NEK1: variants seen among roughly 807,000 people sequenced by gnomAD.
The protein encoded by NEK1 is NIMA related kinase 1, also known as serine/threonine-protein kinase Nek1.
In NEK1, 137 loss-of-function variants were observed where a neutral mutation model predicts 182.1. The observed-to-expected ratio is 0.75, with a 90% CI of 0.65 to 0.87. The LOEUF (loss-of-function observed/expected upper bound fraction) is 0.87. Among genes scored for constraint, NEK1 ranks in the 40% least tolerant of loss-of-function variants. The pLI is 0.00. For missense variants in NEK1, 1,391 were observed against 1,494.4 expected, an observed-to-expected ratio of 0.93 and a Z score of 1.14; for synonymous variants, 513 against 492.2, an observed-to-expected ratio of 1.04 and a Z score of -0.56.
At chr4:169,602,347 G>GA (rs1254390793) in intron 3 of NEK1, among the ~76,000 whole-genome samples, 167 bp downstream of exon 3, 1 of 150,712 alleles carries the variant, frequency 6.6e-6, no homozygotes, top group African/African-American at 2.4e-5. Flanking sequence ...ACATATCATA[G>GA]AAAAAATCTG....
chr4:169,568,267 G>A (rs1040876910), intron 12 of NEK1, among the ~76,000 whole-genome samples: 2 of 152,140 alleles, frequency 1.3e-5, no homozygotes, highest in East Asian at 3.9e-4. Flanking sequence ...TATTCCATGG[G>A]AAGACAGAGA....
intron 27 of NEK1, among the ~76,000 whole-genome samples, chr4:169,452,105 A>G (rs1455121414): frequency 6.6e-6 from 1 of 152,226 alleles, no homozygotes; most frequent in Non-Finnish European, 1.5e-5. Context: ...ATACTCTCCC[A>G]AGACTAAACC....
At chr4:169,429,611 G>GT (rs1469901060) in intron 29 of NEK1, among the ~76,000 whole-genome samples, 1 of 30,744 alleles carries the variant, frequency 3.3e-5, no homozygotes, top group Non-Finnish European at 7.3e-5. Context: ...CTCTTGCCCT[G>GT]CCTTTTACTC....
At chr4:169,529,815 T>C (rs935908130) in intron 19 of NEK1, among the ~76,000 whole-genome samples, 1 of 152,172 alleles carries the variant, frequency 6.6e-6, no homozygotes, top group African/African-American at 2.4e-5. Context: ...TTCAACATCA[T>C]TAACATTTAG....
chr4:169,590,658 T>C (rs1365146312), intron 6 of NEK1, 68 bp downstream of exon 6: 12 of 1,128,336 alleles, frequency 1.1e-5, no homozygotes, highest in African/African-American at 3.1e-5. Context: ...TCAAAAATTT[T>C]TGGCCCAAAA....
intron 27 of NEK1, among the ~76,000 whole-genome samples, chr4:169,443,097 A>C (rs1400617067): frequency 6.7e-6 from 1 of 148,256 alleles, no homozygotes; most frequent in African/African-American, 2.5e-5. Context: ...CTATCTATCT[A>C]TCTATCTCAT....
At chr4:169,575,160 G>A (rs1765498312) in intron 12 of NEK1, among the ~76,000 whole-genome samples, 1 of 152,124 alleles carries the variant, frequency 6.6e-6, no homozygotes, top group South Asian at 2.1e-4. Flanking sequence ...AGTAAAGAGA[G>A]ATAAAACGAT....
chr4:169,472,713 CACA>C (rs1746229658), intron 26 of NEK1, among the ~76,000 whole-genome samples: 2 of 152,178 alleles, frequency 1.3e-5, no homozygotes, highest in Admixed American at 1.3e-4. Context: ...TCAGAGATCT[CACA>C]ACACCAGTGT....
At chr4:169,604,703 T>C (rs1771049924) in intron 2 of NEK1, among the ~76,000 whole-genome samples, 1 of 152,208 alleles carries the variant, frequency 6.6e-6, no homozygotes, top group Non-Finnish European at 1.5e-5. Context: ...ACAAACATCA[T>C]ATGCTGTGCC....
At chr4:169,425,442 G>GAAA (rs35489092) in intron 30 of NEK1, among the ~76,000 whole-genome samples, 6 of 100,736 alleles carry the variant, frequency 6.0e-5, no homozygotes, top group African/African-American at 1.5e-4. Context: ...CAAACAAAAT[G>GAAA]AAAAAAAAAA....
chr4:169,602,393 T>A, intron 3 of NEK1, 121 bp downstream of exon 3: 1 of 652,314 alleles, frequency 1.5e-6, no homozygotes, highest in Non-Finnish European at 2.7e-6. Context: ...TTAGCGGGAA[T>A]AAAGGAGTCT....
chr4:169,513,967 T>C (rs944833043), intron 19 of NEK1, among the ~76,000 whole-genome samples: 6 of 45,030 alleles, frequency 1.3e-4, no homozygotes, highest in Admixed American at 1.8e-4. Flanking sequence ...AGGATTTTTG[T>C]TATTTATTTA....
At position 169,393,244 on chromosome 4, in the gene NEK1, AAAT is replaced by A. The variant is rs1733691735; in HGVS notation, c.*1263_*1265del. The A allele has an allele frequency of 6.6e-6, 1 of 152,206 alleles. No individual in the cohort carries two copies. Among genetic ancestry groups the A allele is most frequent in the African/African-American group, 2.4e-5 (1 of 41,458 alleles). 9.4% of individuals were successfully genotyped at this position (152,206 alleles called of 1,614,324 possible). On this transcript the variant is annotated 3_prime_UTR_variant, in exon 36 of 36. Coordinates refer to ENST00000507142, the MANE Select transcript of NEK1 (RefSeq NM_001199397.3). ...TAAAAGCCTTCTATTGAGAAAAGTA[AAAT>A]AATAAATAAAAGACAATTGATATAC...
intron 32 of NEK1, among the ~76,000 whole-genome samples, chr4:169,405,844 C>T (rs995393025): frequency 2.0e-5 from 3 of 152,080 alleles, no homozygotes; most frequent in African/African-American, 7.2e-5. Context: ...TAGCTCATGC[C>T]CGTAATCCTA....
intron 27 of NEK1, among the ~76,000 whole-genome samples, chr4:169,443,590 G>A (rs919739255): frequency 6.6e-6 from 1 of 151,640 alleles, no homozygotes; most frequent in African/African-American, 2.4e-5. Context: ...AAAAGAGATG[G>A]GCAAGGACAT....
At position 169,401,645 on chromosome 4, in the gene NEK1, C is replaced by T; in HGVS notation, c.3583+7G>A. 3.1e-6 allele frequency: 5 copies of T among 1,611,156 alleles called. No homozygotes were observed. The highest frequency in any genetic ancestry group is 3.4e-6 in the Non-Finnish European group (4 of 1,177,782). ...AAAGAAAAAGGTCCAAAACTCTGAT[C>T]ATGCACCTGAGTGCCATTCTTCGTT... On this transcript the variant is annotated splice_region_variant and intron_variant, in intron 33 of 35. Coordinates refer to ENST00000507142, the MANE Select transcript of NEK1 (RefSeq NM_001199397.3).
intron 19 of NEK1, among the ~76,000 whole-genome samples, chr4:169,530,037 T>C (rs1757437675): frequency 6.6e-6 from 1 of 152,164 alleles, no homozygotes; most frequent in African/African-American, 2.4e-5. Flanking sequence ...GCAGACCCAC[T>C]CCTGGGTATT....
At chr4:169,412,332 C>T (rs187851872) in intron 31 of NEK1, among the ~76,000 whole-genome samples, 86 of 152,288 alleles carry the variant, frequency 5.6e-4, no homozygotes, top group Non-Finnish European at 1.0e-3. Context: ...CTTTAAACTG[C>T]TTATCACCTG....
intron 27 of NEK1, among the ~76,000 whole-genome samples, chr4:169,455,130 G>A (rs1244712689): frequency 6.6e-6 from 1 of 152,160 alleles, no homozygotes; most frequent in African/African-American, 2.4e-5. Context: ...TGAACAATGA[G>A]ATTACTTTGA....
Sources: gnomAD v4.1 joint callset for allele counts (sites outside exome capture counted in the v4.1 genomes callset) on GRCh38, gnomAD v4.1.1 for gene constraint, MANE v1.5 for transcripts, NCBI Gene and HGNC (gene_info 2026-07-23, HGNC 2026-07-21) for gene names.